Variants in NELL1 observed in about 807,000 individuals in gnomAD.
NELL1 encodes the protein protein kinase C-binding protein NELL1.
A neutral mutation model predicts 107.4 loss-of-function variants in NELL1; 76 were observed. The observed-to-expected ratio is 0.71, with a 90% CI of 0.59 to 0.86. The LOEUF (loss-of-function observed/expected upper bound fraction) is 0.86, where lower values mean the gene tolerates loss of function less well. Among genes scored for constraint, NELL1 ranks in the 40% least tolerant of loss-of-function variants. NELL1 has a pLI of 0.00. For synonymous variants in NELL1, 353 were observed against 341.2 expected (o/e 1.03, Z -0.38); for missense variants, 1,024 against 1,005.5 (o/e 1.02, Z -0.25).
intron 13 of NELL1, among the ~76,000 whole-genome samples, chr11:21,199,378 A>G (rs1590726328): frequency 2.0e-5 from 3 of 152,230 alleles, no homozygotes; most frequent in Middle Eastern, 6.8e-3. Context: ...ATAACTTCCT[A>G]AGCTCCAGGG....
chr11:21,412,970 C>T (rs1251807301), intron 15 of NELL1, among the ~76,000 whole-genome samples: 1 of 152,094 alleles, frequency 6.6e-6, no homozygotes, highest in African/African-American at 2.4e-5. Flanking sequence ...GTAATTCTGG[C>T]CCCTGATTAT....
chr11:21,081,838 GTTCAGGGACTTATGAAGGTTATCTCAT>G (rs1408183870), intron 12 of NELL1, among the ~76,000 whole-genome samples: 3 of 152,136 alleles, frequency 2.0e-5, no homozygotes, highest in African/African-American at 7.2e-5. Context: ...CTAACTGTGT[GTTCAGGGACTTATGAAGGTTATCTCAT>G]TTATTTTTCA....
intron 15 of NELL1, among the ~76,000 whole-genome samples, chr11:21,496,554 C>T (rs914569804): frequency 4.6e-5 from 7 of 151,730 alleles, no homozygotes; most frequent in Middle Eastern, 3.4e-3. Context: ...GGACTACAGG[C>T]GCGTGCCACC....
chr11:21,151,834 G>A (rs563022288), intron 13 of NELL1, among the ~76,000 whole-genome samples: 8 of 152,258 alleles, frequency 5.3e-5, no homozygotes, highest in African/African-American at 1.9e-4. Flanking sequence ...CAAATGAATA[G>A]CCCCAAGCAT....
chr11:20,837,630 T>C (rs1462216165), intron 3 of NELL1, among the ~76,000 whole-genome samples: 1 of 152,044 alleles, frequency 6.6e-6, no homozygotes, highest in Non-Finnish European at 1.5e-5. Flanking sequence ...CTTGTAGTAC[T>C]AGAAAGTAAG....
chr11:21,197,755 G>T (rs1857186159), intron 13 of NELL1, among the ~76,000 whole-genome samples: 1 of 152,152 alleles, frequency 6.6e-6, no homozygotes, highest in African/African-American at 2.4e-5. Context: ...ATGGGAGACT[G>T]TCTCAGAGGA....
chr11:21,107,539 G>A (rs1854998563), intron 12 of NELL1, among the ~76,000 whole-genome samples: 1 of 152,106 alleles, frequency 6.6e-6, no homozygotes, highest in Admixed American at 6.5e-5. Flanking sequence ...CACCCTAGTT[G>A]CTCTTAGTTT....
At chr11:21,498,341 A>G (rs1855040889) in intron 15 of NELL1, among the ~76,000 whole-genome samples, 1 of 86,400 alleles carries the variant, frequency 1.2e-5, no homozygotes. Flanking sequence ...TATTATATAT[A>G]TATATACATA....
intron 15 of NELL1, among the ~76,000 whole-genome samples, chr11:21,438,031 G>A (rs995959267): frequency 2.0e-5 from 3 of 152,002 alleles, no homozygotes; most frequent in Non-Finnish European, 4.4e-5. Context: ...TATAAAGTTC[G>A]ATTCCTTTCT....
At chr11:20,673,042 A>G (rs1239430516) in intron 1 of NELL1, among the ~76,000 whole-genome samples, 1 of 134,118 alleles carries the variant, frequency 7.5e-6, no homozygotes, top group Non-Finnish European at 1.6e-5. Flanking sequence ...TTGTATTTTT[A>G]GTAGAGATGG....
chr11:20,939,798 G>C (rs10833414), intron 10 of NELL1, among the ~76,000 whole-genome samples: 92,524 of 152,052 alleles, frequency 0.61, 30,650 homozygotes, highest in Non-Finnish European at 0.74. Flanking sequence ...GGAACATTCA[G>C]GAGGAGGAAC....
intron 12 of NELL1, among the ~76,000 whole-genome samples, chr11:21,104,007 C>T (rs1854886725): frequency 6.6e-6 from 1 of 152,168 alleles, no homozygotes; most frequent in Admixed American, 6.5e-5. Context: ...ATTTGGTAGC[C>T]TCTCAATATT....
intron 13 of NELL1, among the ~76,000 whole-genome samples, chr11:21,147,896 A>G (rs1856022311): frequency 6.7e-6 from 1 of 148,978 alleles, no homozygotes; most frequent in African/African-American, 2.4e-5. Flanking sequence ...TATTTTTTAG[A>G]TATCTTAGAA....
At position 21,290,094 on chromosome 11, in the gene NELL1, A is replaced by G. The variant is rs866282394; in HGVS notation, c.1549+60640A>G. On this transcript the variant is annotated intron_variant, in intron 14 of 19. Coordinates refer to ENST00000357134, the MANE Select transcript of NELL1 (RefSeq NM_006157.5). ...AGCAGATTTAAATATTCCGGGCTGGACGCGGTGGCTCACGCCTGTAATCCC... is the reference window on the plus strand; with the variant it reads ...AGCAGATTTAAATATTCCGGGCTGGGCGCGGTGGCTCACGCCTGTAATCCC... Among the ~76,000 whole-genome samples the G allele has an allele frequency of 1.1e-4, 16 of 152,204 alleles. No individual in the cohort carries two copies. In the South Asian group the frequency reaches 1.9e-3, roughly 18 times the overall value.
intron 14 of NELL1, among the ~76,000 whole-genome samples, chr11:21,255,658 A>AT (rs1014390014): frequency 3.9e-5 from 6 of 152,082 alleles, no homozygotes; most frequent in African/African-American, 1.4e-4. Context: ...ACACAATTTA[A>AT]TTATTGCATT....
intron 15 of NELL1, among the ~76,000 whole-genome samples, chr11:21,396,962 T>C (rs916397957): frequency 1.3e-5 from 2 of 151,748 alleles, no homozygotes; most frequent in African/African-American, 4.8e-5. Context: ...GAGGGATGAG[T>C]TCCTATCTTT....
At chr11:21,305,322 A>G (rs1314692624) in intron 14 of NELL1, among the ~76,000 whole-genome samples, 1 of 151,962 alleles carries the variant, frequency 6.6e-6, no homozygotes, top group Admixed American at 6.6e-5. Flanking sequence ...ATGGTAATTG[A>G]ATTTTAAATT....
At position 21,408,965 on chromosome 11, in the gene NELL1, A is replaced by C. The variant is rs1444418948; in HGVS notation, c.1645+38017A>C. On this transcript the variant is annotated intron_variant, in intron 15 of 19. Coordinates refer to ENST00000357134, the MANE Select transcript of NELL1 (RefSeq NM_006157.5). ...GGAGAGGATGTGGAGAAATAGGAAC[A>C]CATTTACACTGTTGGTGGGACTGCA... Among the ~76,000 whole-genome samples, 8 of 151,966 alleles carry C rather than the reference A, an allele frequency of 5.3e-5. No individual in the cohort carries two copies. The East Asian group carries it at 1.4e-3, about 26-fold the overall frequency.
At chr11:21,016,009 C>T (rs974395613) in intron 12 of NELL1, among the ~76,000 whole-genome samples, 1 of 151,936 alleles carries the variant, frequency 6.6e-6, no homozygotes, top group Non-Finnish European at 1.5e-5. Context: ...GCCTTTTGTG[C>T]GTCTGGTATT....
Sources: allele counts gnomAD v4.1 joint callset (sites outside exome capture counted in the v4.1 genomes callset), GRCh38; gene constraint gnomAD v4.1.1; transcripts MANE v1.5; gene names NCBI Gene and HGNC (gene_info 2026-07-23, HGNC 2026-07-21).